AGGF1: variants seen among roughly 807,000 people sequenced by gnomAD.
The protein encoded by AGGF1 is angiogenic factor with G-patch and FHA domains 1.
A neutral mutation model predicts 86.5 loss-of-function variants in AGGF1; 56 were observed. The ratio of observed to expected loss-of-function variants is 0.65; its 90% CI spans 0.52 to 0.81. AGGF1 has a LOEUF of 0.81. AGGF1 is among the 30% of genes least tolerant of loss of function. AGGF1 has a pLI of 0.00. For synonymous variants in AGGF1, 313 were observed against 297.1 expected, an observed-to-expected ratio of 1.05 and a Z score of -0.55; for missense variants, 816 against 850.9, an observed-to-expected ratio of 0.96 and a Z score of 0.51.
At chr5:77,054,164 C>T in intron 10 of AGGF1, 34 bp downstream of exon 10, 1 of 1,612,954 alleles carries the variant, frequency 6.2e-7, no homozygotes, top group Non-Finnish European at 8.5e-7. Flanking sequence ...GCTGTGATAA[C>T]ATTTCTCTTT....
intron 8 of AGGF1, among the ~76,000 whole-genome samples, chr5:77,049,471 TAGAAC>T (rs1203466833): frequency 6.6e-6 from 1 of 151,480 alleles, no homozygotes; most frequent in Non-Finnish European, 1.5e-5. Flanking sequence ...TCAAAACAAA[TAGAAC>T]AGAATTGCAA....
rs201624558 is a variant in AGGF1, at chr5:77,030,973, G to T, written c.207G>T (p.Thr69=). ...NAESNNQELR[T]QVEELSKILQ... ...AAAGCAACAACCAGGAGCTCCGCACGCAGGTGCGCGGTCCTCCTCAGCCCC... is the reference window on the plus strand; with the variant it reads ...AAAGCAACAACCAGGAGCTCCGCACTCAGGTGCGCGGTCCTCCTCAGCCCC... Residue 69 remains threonine, a synonymous_variant, in exon 1 of 14, where the codon ACG becomes ACT. Transcript: ENST00000312916. 6.2e-6 allele frequency: 10 copies of T among 1,611,748 alleles called. No individual in the cohort carries two copies. The highest frequency in any genetic ancestry group is 8.5e-6 in the Non-Finnish European group (10 of 1,179,924).
At chr5:77,032,308 C>T (rs558205436) in intron 1 of AGGF1, among the ~76,000 whole-genome samples, 1 of 150,210 alleles carries the variant, frequency 6.7e-6, no homozygotes, top group East Asian at 2.0e-4. Flanking sequence ...TGGCTCACGC[C>T]TGTAATCCTA....
At chr5:77,039,065 ATG>A (rs1747017153) in intron 4 of AGGF1, among the ~76,000 whole-genome samples, 1 of 152,134 alleles carries the variant, frequency 6.6e-6, no homozygotes, top group South Asian at 2.1e-4. Flanking sequence ...TCTTTGTTTT[ATG>A]ACATTGAGAG....
intron 5 of AGGF1, among the ~76,000 whole-genome samples, chr5:77,041,847 G>C (rs1747093333): frequency 7.0e-6 from 1 of 142,474 alleles, no homozygotes; most frequent in Non-Finnish European, 1.5e-5. Context: ...TAATTCTTGG[G>C]TGTTTCTCAC....
intron 11 of AGGF1, among the ~76,000 whole-genome samples, chr5:77,057,784 T>C (rs1012324265): frequency 6.6e-6 from 1 of 152,194 alleles, no homozygotes; most frequent in Non-Finnish European, 1.5e-5. Context: ...TCAGGGTTAT[T>C]TGACGCACTG....
rs1229210963 is a variant in AGGF1 at position 77,035,016 on chromosome 5, G to A, written c.313+496G>A. On this transcript the variant is annotated intron_variant, in intron 2 of 13. Coordinates refer to ENST00000312916, the MANE Select transcript of AGGF1 (RefSeq NM_018046.5). ...GAAATCATCTTTCCTATTAAGTTTTGCCTTGCTTCAGTCAGGACATAATTT... is the reference window on the plus strand; with the variant it reads ...GAAATCATCTTTCCTATTAAGTTTTACCTTGCTTCAGTCAGGACATAATTT... 3.9e-5 allele frequency among the ~76,000 whole-genome samples: 6 copies of A among 152,116 alleles called. No homozygotes were observed. The East Asian group carries it at 7.7e-4, about 20-fold the overall frequency.
At chr5:77,044,628 C>T (rs1747211030) in intron 5 of AGGF1, among the ~76,000 whole-genome samples, 1 of 152,092 alleles carries the variant, frequency 6.6e-6, no homozygotes, top group African/African-American at 2.4e-5. Context: ...AGATTGGAAA[C>T]TGCTTTTTTA....
chr5:77,035,369 C>T lies in AGGF1; in HGVS notation c.314-172C>T, dbSNP rs534823479. Among the ~76,000 whole-genome samples, 307 of 152,140 alleles carry T rather than the reference C, an allele frequency of 2.0e-3. 1 individual carries two copies. The highest frequency in any genetic ancestry group is 6.8e-3 in the African/African-American group (282 of 41,490). On this transcript the variant is annotated intron_variant, in intron 2 of 13. Transcript: ENST00000312916. ...TTAGAATCAAAGATACACACTTCTG[C>T]AGATTTATCTGTGCCATCTGTTTTA...
At chr5:77,045,352 G>C (rs56137976) in intron 5 of AGGF1, among the ~76,000 whole-genome samples, 45,434 of 152,046 alleles carry the variant, frequency 0.3, 7,044 homozygotes, top group Non-Finnish European at 0.31. Context: ...ATAAGTATTT[G>C]AGGTAATGTA....
intron 4 of AGGF1, 62 bp from the exon 5 acceptor site, chr5:77,039,469 A>G: frequency 2.3e-6 from 3 of 1,329,444 alleles, no homozygotes; most frequent in South Asian, 1.3e-5. Context: ...TGTATTTGGC[A>G]TTTTCGTTAA....
rs759621326 is a variant in AGGF1, at chr5:77,046,605, C to G, written c.1129C>G (p.Gln377Glu). 2 of 1,613,814 alleles carry G rather than the reference C, an allele frequency of 1.2e-6. No homozygotes were observed. The highest frequency in any genetic ancestry group is 2.7e-5 in the African/African-American group (2 of 74,878). The change falls in exon 6 of 14, where the codon CAG becomes GAG. Residue 377 changes from glutamine (Q) to glutamate (E), a missense_variant. Gln to Glu is a conservative substitution (Grantham distance 29, BLOSUM62 2). Coordinates refer to ENST00000312916, the MANE Select transcript of AGGF1 (RefSeq NM_018046.5). ...EPEEGEITDS[Q>E]TEDSYDEAIT... ...AGAGGAAGGTGAAATTACAGACTCT[C>G]AGACTGAGGATAGTTATGACGAAGC...
intron 1 of AGGF1, among the ~76,000 whole-genome samples, chr5:77,032,264 A>AAC (rs1449679050): frequency 4.7e-5 from 7 of 150,236 alleles, no homozygotes; most frequent in Admixed American, 1.3e-4. Context: ...AAAAAAAAAA[A>AAC]AAAAAAAAAA....
At chr5:77,049,095 C>T in intron 8 of AGGF1, 108 bp downstream of exon 8, 1 of 1,025,862 alleles carries the variant, frequency 9.7e-7, no homozygotes. Flanking sequence ...GGTTAACATG[C>T]AGTGTAGTAA....
At chr5:77,053,695 G>A (rs183509309) in intron 9 of AGGF1, among the ~76,000 whole-genome samples, 1 of 152,222 alleles carries the variant, frequency 6.6e-6, no homozygotes, top group East Asian at 1.9e-4. Flanking sequence ...ATAGATTGAA[G>A]TCTAGAATTG....
intron 11 of AGGF1, among the ~76,000 whole-genome samples, chr5:77,056,011 A>G (rs1443598088): frequency 6.6e-6 from 1 of 152,174 alleles, no homozygotes; most frequent in South Asian, 2.1e-4. Flanking sequence ...TATCTCTACA[A>G]AATGATGCCA....
chr5:77,037,089 CAGA>C (rs1490129330), intron 4 of AGGF1, among the ~76,000 whole-genome samples: 2 of 152,116 alleles, frequency 1.3e-5, no homozygotes, highest in East Asian at 3.8e-4. Context: ...AACTATTTGA[CAGA>C]AGAATTCTAA....
intron 1 of AGGF1, among the ~76,000 whole-genome samples, chr5:77,031,674 A>T (rs1180740175): frequency 6.6e-6 from 1 of 152,144 alleles, no homozygotes; most frequent in Non-Finnish European, 1.5e-5. Flanking sequence ...CGGGCAGATC[A>T]CCAGGTCAGG....
chr5:77,030,812 A>ACCTCCCC lies in AGGF1; in HGVS notation c.48_54dup (p.Glu19LeufsTer5), dbSNP rs1165976432. 2 of 1,605,152 alleles carry ACCTCCCC rather than the reference A, an allele frequency of 1.2e-6. No individual in the cohort carries two copies. The highest frequency in any genetic ancestry group is 1.3e-5 in the African/African-American group (1 of 74,662). ...CCCGCCGCGGTCGCCGCCGCCGCCC[A>ACCTCCCC]CCTCCCCCGAGCCTGAGCTGGCCCA... On this transcript the variant is annotated frameshift_variant, in exon 1 of 14. Coordinates refer to ENST00000312916, the MANE Select transcript of AGGF1 (RefSeq NM_018046.5). LOFTEE classifies it high-confidence loss of function.
Sources: allele counts gnomAD v4.1 joint callset (sites outside exome capture counted in the v4.1 genomes callset), GRCh38; gene constraint gnomAD v4.1.1; transcripts MANE v1.5; gene names NCBI Gene and HGNC (gene_info 2026-07-23, HGNC 2026-07-21).